Variants in SEC24D observed in about 807,000 individuals in gnomAD.
SEC24D encodes protein transport protein Sec24D.
SEC24D carries 69 observed loss-of-function variants against 116.9 expected under a neutral mutation model. The observed-to-expected ratio is 0.59, with a 90% CI of 0.49 to 0.72. The LOEUF (loss-of-function observed/expected upper bound fraction) is 0.72, where lower values mean the gene tolerates loss of function less well. Among genes scored for constraint, SEC24D ranks in the 30% least tolerant of loss-of-function variants. The probability of loss-of-function intolerance (pLI) is 0.00; values close to 1 mark genes in which losing one functional copy is unlikely to be tolerated. For synonymous variants in SEC24D, 405 were observed against 442.8 expected, an observed-to-expected ratio of 0.91 and a Z score of 1.07; for missense variants, 1,131 against 1,264.1, an observed-to-expected ratio of 0.89 and a Z score of 1.60.
chr4:118,804,697 A>G (rs1320187546), intron 7 of SEC24D, among the ~76,000 whole-genome samples: 3 of 152,128 alleles, frequency 2.0e-5, no homozygotes, highest in African/African-American at 7.2e-5. Flanking sequence ...GTAATGAGGA[A>G]GAAACAAATT....
In SEC24D at chr4:118,732,887, AC is replaced by A; in HGVS notation, c.2521del (p.Val841TyrfsTer6). 1 of 1,613,774 alleles carries A rather than the reference AC, an allele frequency of 6.2e-7. No homozygotes were observed. Among genetic ancestry groups the A allele is most frequent in the African/African-American group, 1.3e-5 (1 of 75,062 alleles). ...SQLILPDSMKVLPVYMNCLLK... is the reference protein window; with the variant it reads ...SQLILPDSMKXLPVYMNCLLK... ...CAAGCAATTCATGTACACTGGCAAT[AC>A]TTTCATGGAATCTGGTAGAATAAGC... On this transcript the variant is annotated frameshift_variant, in exon 20 of 23. Transcript: ENST00000280551. LOFTEE classifies it high-confidence loss of function.
chr4:118,785,677 A>T (rs1287976526), intron 8 of SEC24D, among the ~76,000 whole-genome samples: 1 of 152,210 alleles, frequency 6.6e-6, no homozygotes, highest in Admixed American at 6.5e-5. Flanking sequence ...GAAAATAGTG[A>T]TCTAATATCA....
At chr4:118,814,908 G>A in intron 6 of SEC24D, 120 bp downstream of exon 6, 1 of 1,109,628 alleles carries the variant, frequency 9.0e-7, no homozygotes, top group Non-Finnish European at 1.3e-6. Context: ...CCCTCTATGT[G>A]ATGAGTATCT....
chr4:118,736,503 A>G, intron 19 of SEC24D: 1 of 262,848 alleles, frequency 3.8e-6, no homozygotes, highest in Non-Finnish European at 7.4e-6. Flanking sequence ...TTTGGGCTCT[A>G]TGGTAAAATA....
At position 118,768,207 on chromosome 4, in the gene SEC24D, T is replaced by A; in HGVS notation, c.1146A>T (p.Arg382Ser). ...CACAGTTGCAAAATCCACACTGATA[T>A]CTCCTTCCTCCTTCGATGAACTGCA... ...PFMQFIEGGR[R>S]YQCGFCNCVN... Residue 382 changes from arginine (R) to serine (S), a missense_variant, in exon 9 of 23, where the codon AGA becomes AGT. Coordinates refer to ENST00000280551, the MANE Select transcript of SEC24D (RefSeq NM_014822.4). 1.2e-6 allele frequency: 2 copies of A among 1,613,904 alleles called. No homozygotes were observed. Among genetic ancestry groups the A allele is most frequent in the Non-Finnish European group, 8.5e-7 (1 of 1,179,842 alleles).
At chr4:118,776,535 T>C (rs1031249139) in intron 8 of SEC24D, among the ~76,000 whole-genome samples, 3 of 152,210 alleles carry the variant, frequency 2.0e-5, no homozygotes, top group African/African-American at 2.4e-5. Context: ...TGGTAGGTAA[T>C]GATTCTTAAG....
At chr4:118,732,290 C>T (rs1196894688) in intron 20 of SEC24D, among the ~76,000 whole-genome samples, 2 of 152,108 alleles carry the variant, frequency 1.3e-5, no homozygotes, top group African/African-American at 4.8e-5. Context: ...GCACATACCA[C>T]CACGCCCGGC....
intron 8 of SEC24D, among the ~76,000 whole-genome samples, chr4:118,790,586 A>T (rs1048838026): frequency 9.2e-5 from 14 of 152,184 alleles, no homozygotes; most frequent in Admixed American, 8.5e-4. Flanking sequence ...CTTAAAAGAC[A>T]TAAAAATTTA....
chr4:118,829,745 G>C (rs1308216915), intron 2 of SEC24D, among the ~76,000 whole-genome samples: 4 of 152,076 alleles, frequency 2.6e-5, no homozygotes. Flanking sequence ...CTGGGAGGCG[G>C]AGGTTGCAGT....
chr4:118,757,687 G>A (rs745332167), intron 11 of SEC24D, 34 bp downstream of exon 11: 4 of 1,589,624 alleles, frequency 2.5e-6, no homozygotes, highest in South Asian at 1.1e-5. Context: ...AGGCAATAAT[G>A]TATAAGTTGT....
At chr4:118,820,690 TA>T (rs1269946335) in intron 3 of SEC24D, among the ~76,000 whole-genome samples, 1 of 152,048 alleles carries the variant, frequency 6.6e-6, no homozygotes, top group East Asian at 1.9e-4. Flanking sequence ...AATATAATGT[TA>T]AAATTAAGAA....
intron 8 of SEC24D, among the ~76,000 whole-genome samples, chr4:118,787,066 G>A (rs1002983361): frequency 2.6e-5 from 4 of 152,134 alleles, no homozygotes; most frequent in South Asian, 2.1e-4. Flanking sequence ...TGTGCTATAA[G>A]GCTAGAACAC....
intron 3 of SEC24D, among the ~76,000 whole-genome samples, chr4:118,821,048 GTATGCGGAAT>G (rs770069678): frequency 1.4e-3 from 211 of 152,286 alleles, no homozygotes; most frequent in Middle Eastern, 0.014. Context: ...GCTGAAGTTT[GTATGCGGAAT>G]TAAGATGCCA....
intron 3 of SEC24D, among the ~76,000 whole-genome samples, chr4:118,818,452 T>A (rs552589532): frequency 1.3e-4 from 20 of 152,362 alleles, no homozygotes; most frequent in African/African-American, 4.3e-4. Context: ...GTGAGTGCAC[T>A]ATTCAAAGCA....
rs1255586795 is a variant in SEC24D, at chr4:118,833,574, T to C, written c.118+5A>G. 1.3e-6 allele frequency: 2 copies of C among 1,580,434 alleles called. No individual in the cohort carries two copies. Among genetic ancestry groups the C allele is most frequent in the Admixed American group, 3.4e-5 (2 of 59,428 alleles). On this transcript the variant is annotated splice_donor_5th_base_variant and intron_variant, in intron 2 of 22. Coordinates refer to ENST00000280551, the MANE Select transcript of SEC24D (RefSeq NM_014822.4). Reference sequence around the variant, plus strand: ...TCACATACAAGTCAAAATAACACACTGTACCTGTTGGAGATGCTGTGTGCG... The same window carrying C: ...TCACATACAAGTCAAAATAACACACCGTACCTGTTGGAGATGCTGTGTGCG...
intron 6 of SEC24D, among the ~76,000 whole-genome samples, chr4:118,812,093 T>C (rs1401878183): frequency 6.6e-6 from 1 of 152,184 alleles, no homozygotes; most frequent in Admixed American, 6.5e-5. Flanking sequence ...ACCTTCCCTT[T>C]TGGATGTCTG....
chr4:118,789,720 G>C (rs1206419311), intron 8 of SEC24D, among the ~76,000 whole-genome samples: 1 of 152,170 alleles, frequency 6.6e-6, no homozygotes, highest in Non-Finnish European at 1.5e-5. Context: ...GAGTAGCTGG[G>C]ACTACAGGCA....
intron 8 of SEC24D, among the ~76,000 whole-genome samples, chr4:118,785,363 A>G (rs1728625067): frequency 2.0e-5 from 3 of 152,318 alleles, no homozygotes; most frequent in South Asian, 4.1e-4. Flanking sequence ...TAGAAATGCA[A>G]TAGTGAGAAA....
At chr4:118,782,806 T>G (rs752055040) in intron 8 of SEC24D, among the ~76,000 whole-genome samples, 26 of 151,610 alleles carry the variant, frequency 1.7e-4, no homozygotes, top group Admixed American at 6.6e-4. Context: ...GCCTCAGCAA[T>G]GGGGTACAAC....
Sources: allele counts gnomAD v4.1 joint callset (sites outside exome capture counted in the v4.1 genomes callset), GRCh38; gene constraint gnomAD v4.1.1; transcripts MANE v1.5; gene names NCBI Gene and HGNC (gene_info 2026-07-23, HGNC 2026-07-21).